ADAMTS8: variants seen among roughly 807,000 people sequenced by gnomAD.
The protein encoded by ADAMTS8 is ADAM metallopeptidase with thrombospondin type 1 motif 8.
Under a neutral mutation model 64.4 loss-of-function variants are expected in ADAMTS8, and 50 were observed. That is an observed-to-expected ratio of 0.78 (90% CI 0.62 to 0.98). The LOEUF is 0.98. Among genes scored for constraint, ADAMTS8 ranks in the 50% least tolerant of loss-of-function variants. The probability of loss-of-function intolerance (pLI) is 0.00; values close to 1 mark genes in which losing one functional copy is unlikely to be tolerated. For synonymous variants in ADAMTS8, 556 were observed against 533.6 expected, an observed-to-expected ratio of 1.04 and a Z score of -0.58; for missense variants, 1,192 against 1,208.2, an observed-to-expected ratio of 0.99 and a Z score of 0.20.
intron 6 of ADAMTS8, among the ~76,000 whole-genome samples, chr11:130,409,287 C>T (rs928200863): frequency 6.6e-6 from 1 of 152,286 alleles, no homozygotes; most frequent in South Asian, 2.1e-4. Context: ...GAGCTATATT[C>T]TCAGGACACT....
chr11:130,419,883 C>T (rs1409668143), intron 1 of ADAMTS8, among the ~76,000 whole-genome samples: 2 of 152,118 alleles, frequency 1.3e-5, no homozygotes, highest in Non-Finnish European at 2.9e-5. Context: ...TAACTCTACT[C>T]TTTGGGGGGG....
In ADAMTS8 at chr11:130,408,459, C is replaced by T; in HGVS notation, c.2099+5G>A. 6.2e-7 allele frequency: 1 copy of T among 1,613,282 alleles called. No homozygotes were observed. Among genetic ancestry groups the T allele is most frequent in the Non-Finnish European group, 8.5e-7 (1 of 1,180,012 alleles). Reference sequence around the variant, plus strand: ...GCAAGGTACAGAACTTCTGGGGAGACTCACTTGGTGGGGGTGAGGGACCCG... The same window carrying T: ...GCAAGGTACAGAACTTCTGGGGAGATTCACTTGGTGGGGGTGAGGGACCCG... On this transcript the variant is annotated splice_donor_5th_base_variant and intron_variant, in intron 8 of 8. Coordinates refer to ENST00000257359, the MANE Select transcript of ADAMTS8 (RefSeq NM_007037.6).
At position 130,405,904 on chromosome 11, in the gene ADAMTS8, C is replaced by T. The variant is rs760374808; in HGVS notation, c.2324G>A (p.Arg775His). The change falls in exon 9 of 9, where the codon CGC becomes CAC. Residue 775 changes from arginine to histidine, a missense_variant. Physicochemically the swap from Arg to His is conservative, Grantham distance 29. Transcript: ENST00000257359. ...TGGCAAGGGCCGGAAGCTCTGCAGG[C>T]GCTCCAGGGTGGCGATGGAGCCGCT... ...KYSGSIATLE[R>H]LQSFRPLPEP... is the part of the protein sequence containing the mutation. 4.8e-5 allele frequency: 77 copies of T among 1,613,932 alleles called. 1 individual carries two copies. The highest frequency in any genetic ancestry group is 2.2e-4 in the South Asian group (20 of 91,092).
rs374273397 is a variant in ADAMTS8, at chr11:130,414,608, C to G, written c.1489G>C (p.Asp497His). 4.3e-6 allele frequency: 7 copies of G among 1,613,312 alleles called. No individual in the cohort carries two copies. The highest frequency in any genetic ancestry group is 5.9e-6 in the Non-Finnish European group (7 of 1,179,986). ...TGCCCAGGCCCGCACGGCGTGCCGTCAGCCCAGGGCAGGCTGCCATTCTTC... is the reference window on the plus strand; with the variant it reads ...TGCCCAGGCCCGCACGGCGTGCCGTGAGCCCAGGGCAGGCTGCCATTCTTC... ...HTKNGSLPWA[D>H]GTPCGPGHLC... The change falls in exon 5 of 9, where the codon GAC becomes CAC. Residue 497 changes from aspartate to histidine, a missense_variant. Physicochemically the swap from Asp to His is moderately conservative, Grantham distance 81 (BLOSUM62 -1). This residue lies in a region of ADAMTS8 where 741 missense variants were observed against 710.6 expected (regional missense o/e 1.04). Coordinates refer to ENST00000257359, the MANE Select transcript of ADAMTS8 (RefSeq NM_007037.6).
In ADAMTS8 at chr11:130,428,032, C is replaced by T. The variant is rs776427659; in HGVS notation, c.255G>A (p.Gly85=). ...LAPEFKIERL[G]GSGRATGGER... The stretch of plus-strand genomic sequence containing the variant: ...CGCCCCCGGTCGCCCGGCCGGAGCC[C>T]CCGAGGCGCTCGATCTTGAACTCGG... The change falls in exon 1 of 9, where the codon GGG becomes GGA. Residue 85 remains glycine, a synonymous_variant. Coordinates refer to ENST00000257359, the MANE Select transcript of ADAMTS8 (RefSeq NM_007037.6). The T allele has an allele frequency of 3.9e-6, 6 of 1,527,716 alleles. No homozygotes were observed. In the South Asian group the frequency reaches 4.8e-5, roughly 12 times the overall value. 94.6% of individuals were successfully genotyped at this position (1,527,716 alleles called of 1,614,324 possible). A position where few individuals can be genotyped will look rare whatever the true frequency, so the allele number is the denominator to read the frequency against.
intron 1 of ADAMTS8, among the ~76,000 whole-genome samples, chr11:130,423,045 C>A (rs563527993): frequency 2.5e-4 from 38 of 152,336 alleles, no homozygotes; most frequent in African/African-American, 8.7e-4. Context: ...AGGTGACTTG[C>A]TCAAGGACAC....
chr11:130,413,857 A>G (rs1241239286), intron 5 of ADAMTS8, among the ~76,000 whole-genome samples: 2 of 152,152 alleles, frequency 1.3e-5, no homozygotes, highest in Admixed American at 6.6e-5. Context: ...CTCTGTGTTC[A>G]TGACGGAATT....
At chr11:130,410,157 T>C (rs1861934960) in intron 6 of ADAMTS8, among the ~76,000 whole-genome samples, 2 of 152,152 alleles carry the variant, frequency 1.3e-5, no homozygotes, top group African/African-American at 4.8e-5. Context: ...CTTTCAAAGC[T>C]TCCGCTCACC....
intron 2 of ADAMTS8, among the ~76,000 whole-genome samples, chr11:130,418,007 C>CAAAAA (rs5795694): frequency 2.1e-3 from 196 of 93,918 alleles, no homozygotes; most frequent in East Asian, 0.016. Context: ...CTACAAAAAG[C>CAAAAA]AAAAAAAAAA....
chr11:130,406,055 C>A lies in ADAMTS8; in HGVS notation c.2173G>T (p.Gly725Cys). ...AGGTAGTTCCCATCGTTCTGCACAC[C>A]CGGGTGGCTCCGCTGCTTCACGTCA... The part of the protein sequence containing the change: ...NIDVKQRSHP[G>C]VQNDGNYLAL... Residue 725 changes from glycine to cysteine, a missense_variant, in exon 9 of 9, where the codon GGT becomes TGT. This residue lies in a region of ADAMTS8 where 290 missense variants were observed against 297.8 expected (regional missense o/e 0.97). Transcript: ENST00000257359. 1 of 1,614,004 alleles carries A rather than the reference C, an allele frequency of 6.2e-7. No homozygotes were observed. The highest frequency in any genetic ancestry group is 8.5e-7 in the Non-Finnish European group (1 of 1,180,038).
rs1160959118 is a variant in ADAMTS8, at chr11:130,419,243, G to A, written c.770C>T (p.Pro257Leu). 1 of 1,613,952 alleles carries A rather than the reference G, an allele frequency of 6.2e-7. No individual in the cohort carries two copies. The change falls in exon 2 of 9, where the codon CCC becomes CTC. Residue 257 changes from proline to leucine, a missense_variant. Transcript: ENST00000257359. ...CAGGTTGATGGAATTCTTGATGCTG[G>A]GGTGCTTGTAGATTCGGGCTGCCAC... is the stretch of plus-strand genomic sequence containing the variant. ...MSVAARIYKH[P>L]SIKNSINLMV...
At chr11:130,415,865 T>C (rs1019651520) in intron 4 of ADAMTS8, among the ~76,000 whole-genome samples, 3 of 152,190 alleles carry the variant, frequency 2.0e-5, no homozygotes, top group African/African-American at 7.2e-5. Flanking sequence ...TCGTCTCTCC[T>C]CTGTGCTATG....
At chr11:130,421,791 A>T (rs57845203) in intron 1 of ADAMTS8, among the ~76,000 whole-genome samples, 3,850 of 152,312 alleles carry the variant, frequency 0.025, 183 homozygotes, top group African/African-American at 0.087. Flanking sequence ...TTCAAAGGAC[A>T]GGCCTGACTG....
intron 1 of ADAMTS8, among the ~76,000 whole-genome samples, chr11:130,426,450 T>A (rs1006448955): frequency 6.6e-6 from 1 of 152,210 alleles, no homozygotes; most frequent in Non-Finnish European, 1.5e-5. Context: ...AGTGTCAGCT[T>A]AGCTGCTGCA....
In ADAMTS8 at chr11:130,428,481, C is replaced by A; in HGVS notation, c.-195G>T. 3 of 991,768 alleles carry A rather than the reference C, an allele frequency of 3.0e-6. No homozygotes were observed. The highest frequency in any genetic ancestry group is 4.6e-5 in the South Asian group (1 of 21,896). The allele number at this position is 991,768 out of a possible 1,614,324, so 61.4% of individuals were successfully genotyped here. ...GCCCCTCTGGCTGGCGCAGCCCGCT[C>A]CTCCCGCGCCGCCGCCCCCGAGCCG... On this transcript the variant is annotated 5_prime_UTR_variant, in exon 1 of 9. Coordinates refer to ENST00000257359, the MANE Select transcript of ADAMTS8 (RefSeq NM_007037.6).
rs571048631 is a variant in ADAMTS8 at position 130,416,714 on chromosome 11, G to C, written c.1096+226C>G. ...ATTTGCCCGGTGACCTGTGATAATC[G>C]TGTGGGATGCTGCTTTTGTATTTTG... is the stretch of plus-strand genomic sequence containing the variant. On this transcript the variant is annotated intron_variant, in intron 3 of 8. Transcript: ENST00000257359. This position sits in a 1 kb window ranked among gnomAD's most constrained non-coding sequence, Gnocchi z 4.8. 6.6e-6 allele frequency among the ~76,000 whole-genome samples: 1 copy of C among 152,288 alleles called. No homozygotes were observed. Among genetic ancestry groups the C allele is most frequent in the Admixed American group, 6.5e-5 (1 of 15,302 alleles).
In ADAMTS8 at chr11:130,414,795, G is replaced by C; in HGVS notation, c.1302C>G (p.Pro434=). The C allele has an allele frequency of 6.2e-7, 1 of 1,611,910 alleles. No individual in the cohort carries two copies. Among genetic ancestry groups the C allele is most frequent in the East Asian group, 2.2e-5 (1 of 44,824 alleles). The change falls in exon 5 of 9, where the codon CCC becomes CCG. Residue 434 remains proline, a synonymous_variant. Coordinates refer to ENST00000257359, the MANE Select transcript of ADAMTS8 (RefSeq NM_007037.6). ...CLLDAPAAAL[P]LPTGLPGRMA... ...TGCGGCCCGGGAGGCCTGTGGGGAG[G>C]GGCAGGGCCGCAGCAGGGGCATCCA...
chr11:130,407,707 T>C (rs1861902043), intron 8 of ADAMTS8, among the ~76,000 whole-genome samples: 1 of 152,134 alleles, frequency 6.6e-6, no homozygotes, highest in African/African-American at 2.4e-5. Context: ...AGGAAGTACA[T>C]GGAATGGGAG....
In ADAMTS8 at chr11:130,411,112, GTCC is replaced by G. The variant is rs1861945991; in HGVS notation, c.1750+302_1750+304del. ...CCCAATAAGTTTGGTTGGGAGTGAT[GTCC>G]TCCTCTCCACATCTTGGAAGATGAG... On this transcript the variant is annotated intron_variant, in intron 6 of 8. Coordinates refer to ENST00000257359, the MANE Select transcript of ADAMTS8 (RefSeq NM_007037.6). This position sits in a 1 kb window ranked among gnomAD's most constrained non-coding sequence, Gnocchi z 4.2. Among the ~76,000 whole-genome samples, 1 of 152,156 alleles carries G rather than the reference GTCC, an allele frequency of 6.6e-6. No homozygotes were observed. Among genetic ancestry groups the G allele is most frequent in the Non-Finnish European group, 1.5e-5 (1 of 68,036 alleles).
Sources: allele counts gnomAD v4.1 joint callset (sites outside exome capture counted in the v4.1 genomes callset), GRCh38; gene constraint gnomAD v4.1.1; regional missense constraint gnomAD v4.1.1; non-coding constraint Gnocchi (gnomAD v3.1); transcripts MANE v1.5; gene names NCBI Gene and HGNC (gene_info 2026-07-23, HGNC 2026-07-21).